The following ROBO1 variants were observed in gnomAD, a reference collection of about 807,000 sequenced individuals.
The protein encoded by ROBO1 is roundabout guidance receptor 1.
Under a neutral mutation model 195.9 loss-of-function variants are expected in ROBO1, and 149 were observed. That is an observed-to-expected ratio of 0.76 (90% CI 0.67 to 0.87). ROBO1 has a LOEUF of 0.87. Ranked by LOEUF, ROBO1 falls within the 40% of genes least tolerant of loss-of-function variation. The pLI is 0.00. For synonymous variants in ROBO1, 816 were observed against 733.2 expected, an observed-to-expected ratio of 1.11 and a Z score of -1.82; for missense variants, 1,933 against 2,068.3, an observed-to-expected ratio of 0.93 and a Z score of 1.27.
intron 2 of ROBO1, among the ~76,000 whole-genome samples, chr3:79,126,929 TC>T (rs918313305): frequency 6.0e-5 from 9 of 150,172 alleles, no homozygotes; most frequent in Non-Finnish European, 8.9e-5. Flanking sequence ...GCGGCATATT[TC>T]CCCCCCTAAT....
chr3:79,623,947 G>T (rs1945089137), intron 1 of ROBO1, among the ~76,000 whole-genome samples: 1 of 152,166 alleles, frequency 6.6e-6, no homozygotes, highest in African/African-American at 2.4e-5. Context: ...CAGCCAGAGA[G>T]AAAGGCCTGG....
At chr3:78,604,431 C>G (rs1369403583) in intron 29 of ROBO1, among the ~76,000 whole-genome samples, 1 of 152,164 alleles carries the variant, frequency 6.6e-6, no homozygotes, top group East Asian at 1.9e-4. Context: ...AGATATAAAC[C>G]TCGCAATTTA....
intron 1 of ROBO1, among the ~76,000 whole-genome samples, chr3:79,710,852 T>C (rs540777853): frequency 1.3e-5 from 2 of 152,230 alleles, no homozygotes; most frequent in African/African-American, 4.8e-5. Flanking sequence ...TCTTGTAAAG[T>C]TAGTTTGAAT....
At chr3:79,449,087 C>T (rs540117975) in intron 2 of ROBO1, among the ~76,000 whole-genome samples, 4 of 151,994 alleles carry the variant, frequency 2.6e-5, no homozygotes, top group Admixed American at 1.3e-4. Context: ...AAACATTAGC[C>T]GAGTGTGGTG....
chr3:79,117,290 A>C (rs1427965469), intron 3 of ROBO1, among the ~76,000 whole-genome samples: 1 of 151,976 alleles, frequency 6.6e-6, no homozygotes, highest in Non-Finnish European at 1.5e-5. Context: ...AAATTGCTTG[A>C]ACCTTGGGGG....
intron 2 of ROBO1, among the ~76,000 whole-genome samples, chr3:79,215,292 T>G (rs1273535072): frequency 6.6e-6 from 1 of 152,164 alleles, no homozygotes; most frequent in Non-Finnish European, 1.5e-5. Flanking sequence ...AGTGTTCTTC[T>G]TGCTGATGCT....
chr3:79,024,862 T>C (rs986688186), intron 3 of ROBO1, among the ~76,000 whole-genome samples: 1 of 152,158 alleles, frequency 6.6e-6, no homozygotes, highest in African/African-American at 2.4e-5. Context: ...TATTCCTTAC[T>C]GAGAAAGACC....
chr3:78,790,386 T>C (rs1038812361), intron 4 of ROBO1, among the ~76,000 whole-genome samples: 6 of 152,186 alleles, frequency 3.9e-5, no homozygotes, highest in Admixed American at 3.9e-4. Flanking sequence ...TATATTTTGA[T>C]ACAGGCATAC....
At chr3:78,786,973 A>AT (rs1379536418) in intron 4 of ROBO1, among the ~76,000 whole-genome samples, 11 of 152,190 alleles carry the variant, frequency 7.2e-5, no homozygotes, top group African/African-American at 2.7e-4. Context: ...ACTTAGTTGT[A>AT]TGCAACTCCA....
chr3:79,569,645 ATGTGTGTG>A (rs112113543), intron 2 of ROBO1, among the ~76,000 whole-genome samples: 11 of 142,226 alleles, frequency 7.7e-5, no homozygotes, highest in Non-Finnish European at 1.4e-4. Flanking sequence ...ATGTATAGAT[ATGTGTGTG>A]TGTGTGTGTG....
chr3:79,013,769 G>A lies in ROBO1; in HGVS notation c.173-74842C>T, dbSNP rs541162044. Among the ~76,000 whole-genome samples, 10 of 152,234 alleles carry A rather than the reference G, an allele frequency of 6.6e-5. No homozygotes were observed. The South Asian group carries it at 1.5e-3, about 22-fold the overall frequency. ...AGAAATAACAGCATATATGTCATAGGATTTTTATGAGCATTAAATAAGATA... is the reference window on the plus strand; with the variant it reads ...AGAAATAACAGCATATATGTCATAGAATTTTTATGAGCATTAAATAAGATA... On this transcript the variant is annotated intron_variant, in intron 3 of 30. Transcript: ENST00000464233.
At chr3:79,343,876 G>T (rs572546274) in intron 2 of ROBO1, among the ~76,000 whole-genome samples, 51 of 152,194 alleles carry the variant, frequency 3.4e-4, no homozygotes, top group South Asian at 3.1e-3. Context: ...ATGGTCCTTG[G>T]GTTCCATGTC....
chr3:79,011,407 G>A (rs1209389581), intron 3 of ROBO1, among the ~76,000 whole-genome samples: 1 of 152,180 alleles, frequency 6.6e-6, no homozygotes, highest in African/African-American at 2.4e-5. Flanking sequence ...GGCAAGTTAA[G>A]TTGGAGATCA....
chr3:79,557,890 T>A (rs1300661067), intron 2 of ROBO1, among the ~76,000 whole-genome samples: 1 of 151,798 alleles, frequency 6.6e-6, no homozygotes, highest in African/African-American at 2.4e-5. Flanking sequence ...AAGAGAAACA[T>A]GTCTGTTAAA....
At chr3:79,157,751 G>A (rs184175017) in intron 2 of ROBO1, among the ~76,000 whole-genome samples, 8 of 151,924 alleles carry the variant, frequency 5.3e-5, no homozygotes, top group Admixed American at 5.2e-4. Flanking sequence ...CAAACATTAT[G>A]AACAAATAAT....
At chr3:78,745,311 A>G (rs994813211) in intron 5 of ROBO1, among the ~76,000 whole-genome samples, 1 of 151,798 alleles carries the variant, frequency 6.6e-6, no homozygotes, top group African/African-American at 2.4e-5. Flanking sequence ...CATTTCAAAA[A>G]AAAAAAAAAA....
chr3:78,848,511 A>G (rs751920417), intron 4 of ROBO1, among the ~76,000 whole-genome samples: 3 of 152,132 alleles, frequency 2.0e-5, no homozygotes, highest in Non-Finnish European at 4.4e-5. Context: ...GCTGTTATAT[A>G]GGAGGTCAGG....
At chr3:79,487,959 A>T (rs1939249842) in intron 2 of ROBO1, among the ~76,000 whole-genome samples, 1 of 152,194 alleles carries the variant, frequency 6.6e-6, no homozygotes. Context: ...TTATGAAGAT[A>T]TTAAAAAGTT....
At chr3:78,979,496 T>A (rs544100245) in intron 3 of ROBO1, among the ~76,000 whole-genome samples, 1 of 152,304 alleles carries the variant, frequency 6.6e-6, no homozygotes, top group South Asian at 2.1e-4. Flanking sequence ...TCCTCAGCAA[T>A]GTAGATAAAA....
Sources: allele counts gnomAD v4.1 joint callset (sites outside exome capture counted in the v4.1 genomes callset), GRCh38; gene constraint gnomAD v4.1.1; transcripts MANE v1.5; gene names NCBI Gene and HGNC (gene_info 2026-07-23, HGNC 2026-07-21).